CAPZB: variants seen among roughly 807,000 people sequenced by gnomAD.
CAPZB encodes the protein capping actin protein of muscle Z-line subunit beta, also known as F-actin-capping protein subunit beta.
In CAPZB, 2 loss-of-function variants were observed where a neutral mutation model predicts 38.1. The ratio of observed to expected loss-of-function variants is 0.05; its 90% CI spans 0.02 to 0.17. The LOEUF is 0.17. Ranked by LOEUF, CAPZB falls within the 10% of genes least tolerant of loss-of-function variation. The pLI is 1.00. For missense variants in CAPZB, 161 were observed against 334.2 expected (o/e 0.48, Z 4.04); for synonymous variants, 107 against 127.4 (o/e 0.84, Z 1.08).
intron 4 of CAPZB, among the ~76,000 whole-genome samples, chr1:19,367,824 A>G (rs917129237): frequency 2.0e-5 from 3 of 152,190 alleles, no homozygotes; most frequent in African/African-American, 7.2e-5. Flanking sequence ...TTAAAGAAAT[A>G]ATGAAGGCCT....
chr1:19,465,883 T>A (rs567316954), intron 1 of CAPZB, among the ~76,000 whole-genome samples: 1 of 152,142 alleles, frequency 6.6e-6, no homozygotes, highest in Non-Finnish European at 1.5e-5. Flanking sequence ...ACCAACAACA[T>A]GTACGGAGCC....
chr1:19,370,111 C>T (rs964003362), intron 4 of CAPZB, among the ~76,000 whole-genome samples: 1 of 152,234 alleles, frequency 6.6e-6, no homozygotes, highest in African/African-American at 2.4e-5. Context: ...CCAGAGCCCG[C>T]ACCCCACAGG....
At chr1:19,445,746 G>A (rs539650338) in intron 1 of CAPZB, among the ~76,000 whole-genome samples, 13 of 152,332 alleles carry the variant, frequency 8.5e-5, no homozygotes, top group African/African-American at 2.4e-4. Flanking sequence ...TGTTCTGGGG[G>A]TGATGGAAAT....
intron 3 of CAPZB, among the ~76,000 whole-genome samples, chr1:19,384,627 C>T (rs955912410): frequency 6.6e-6 from 1 of 152,198 alleles, no homozygotes; most frequent in African/African-American, 2.4e-5. Context: ...AGCCTTGCCC[C>T]ATCTCCAAAG....
At position 19,362,727 on chromosome 1, in the gene CAPZB, T is replaced by C. The variant is rs80086299; in HGVS notation, c.330-5164A>G. On this transcript the variant is annotated intron_variant, in intron 4 of 8. Transcript: ENST00000264202. ...GCTTTTCCTAGGCTTCTTTCCTAAA[T>C]GGAAAGCCAGACAGCACGGGCAGCA... Among the ~76,000 whole-genome samples, 769 of 151,500 alleles carry C rather than the reference T, an allele frequency of 5.1e-3. 18 individuals are homozygous for C. The highest frequency in any genetic ancestry group is 0.034 in the Admixed American group (516 of 15,252).
rs1325341219 is a variant in CAPZB at position 19,339,212 on chromosome 1, G to A, written c.*318C>T. Reference sequence around the variant, plus strand: ...ACCAAAAAGGTGGGAGGGAAGGGAGGCTGGCAGACAGTGGATTTTATGCCT... The same window carrying A: ...ACCAAAAAGGTGGGAGGGAAGGGAGACTGGCAGACAGTGGATTTTATGCCT... On this transcript the variant is annotated 3_prime_UTR_variant, in exon 9 of 9. Coordinates refer to ENST00000264202, the MANE Select transcript of CAPZB (RefSeq NM_004930.5). 2 of 360,614 alleles carry A rather than the reference G, an allele frequency of 5.5e-6. No homozygotes were observed. Among genetic ancestry groups the A allele is most frequent in the Non-Finnish European group, 5.1e-6 (1 of 197,200 alleles). 22.3% of individuals were successfully genotyped at this position (360,614 alleles called of 1,614,324 possible). A position where few individuals can be genotyped will look rare whatever the true frequency, so the allele number is the denominator to read the frequency against.
chr1:19,414,275 G>T (rs2094369842), intron 2 of CAPZB, among the ~76,000 whole-genome samples: 1 of 152,222 alleles, frequency 6.6e-6, no homozygotes, highest in Admixed American at 6.5e-5. Flanking sequence ...TACCGCTGAG[G>T]CTGGCAGTGT....
chr1:19,472,864 C>A (rs1289208783), intron 1 of CAPZB, among the ~76,000 whole-genome samples: 1 of 151,896 alleles, frequency 6.6e-6, no homozygotes, highest in Non-Finnish European at 1.5e-5. Context: ...ACTACAGGCG[C>A]CCGCCATCAC....
At chr1:19,387,815 G>A (rs1304448864) in intron 2 of CAPZB, among the ~76,000 whole-genome samples, 1 of 152,250 alleles carries the variant, frequency 6.6e-6, no homozygotes, top group African/African-American at 2.4e-5. Flanking sequence ...ATGTGATTTT[G>A]AGGACCCACA....
chr1:19,351,997 C>A (rs1396854499), intron 6 of CAPZB, among the ~76,000 whole-genome samples: 1 of 152,220 alleles, frequency 6.6e-6, no homozygotes, highest in East Asian at 1.9e-4. Flanking sequence ...TGAAGCTGCG[C>A]TGCTCAAGCA....
chr1:19,350,263 G>A (rs929853829), intron 6 of CAPZB, among the ~76,000 whole-genome samples: 12 of 152,414 alleles, frequency 7.9e-5, no homozygotes, highest in African/African-American at 2.6e-4. Flanking sequence ...GCTGCAGCCC[G>A]AGAGGAAAGG....
chr1:19,406,131 G>A (rs2094330732), intron 2 of CAPZB, among the ~76,000 whole-genome samples: 1 of 152,218 alleles, frequency 6.6e-6, no homozygotes, highest in Non-Finnish European at 1.5e-5. Context: ...AAGGGCAACC[G>A]CAAACCGTCT....
intron 1 of CAPZB, among the ~76,000 whole-genome samples, chr1:19,446,625 C>CA (rs5772845): frequency 0.55 from 83,422 of 151,550 alleles, 23,564 homozygotes; most frequent in South Asian, 0.76. Context: ...TGCTCCACGG[C>CA]AAAAAAAACT....
intron 2 of CAPZB, among the ~76,000 whole-genome samples, chr1:19,401,485 T>C (rs1013337683): frequency 2.0e-4 from 30 of 151,974 alleles, no homozygotes; most frequent in African/African-American, 7.2e-4. Flanking sequence ...CCTGACACTC[T>C]TGCTGGGAAT....
At chr1:19,382,126 A>T (rs1452521254) in intron 3 of CAPZB, among the ~76,000 whole-genome samples, 1 of 152,198 alleles carries the variant, frequency 6.6e-6, no homozygotes, top group African/African-American at 2.4e-5. Flanking sequence ...AGGCACCCTG[A>T]TTAGACACAA....
chr1:19,472,292 A>G (rs1337717783), intron 1 of CAPZB, among the ~76,000 whole-genome samples: 1 of 152,218 alleles, frequency 6.6e-6, no homozygotes, highest in East Asian at 1.9e-4. Context: ...GTTGCCATCT[A>G]CAGCCTAGAG....
intron 1 of CAPZB, among the ~76,000 whole-genome samples, chr1:19,475,675 T>C (rs1310767633): frequency 1.3e-5 from 2 of 152,202 alleles, no homozygotes; most frequent in Non-Finnish European, 2.9e-5. Flanking sequence ...GATCTGGACA[T>C]GGCTAGTCTC....
chr1:19,424,984 T>C (rs930762774), intron 1 of CAPZB, among the ~76,000 whole-genome samples: 2 of 152,076 alleles, frequency 1.3e-5, no homozygotes, highest in Non-Finnish European at 2.9e-5. Flanking sequence ...AACCACAAGG[T>C]CGTGTGGTGT....
At chr1:19,447,866 C>T (rs1228723851) in intron 1 of CAPZB, among the ~76,000 whole-genome samples, 1 of 152,226 alleles carries the variant, frequency 6.6e-6, no homozygotes, top group African/African-American at 2.4e-5. Context: ...CGGCAACTAA[C>T]AGTAGTGAAA....
Sources: gnomAD v4.1 joint callset for allele counts (sites outside exome capture counted in the v4.1 genomes callset) on GRCh38, gnomAD v4.1.1 for gene constraint, MANE v1.5 for transcripts, NCBI Gene and HGNC (gene_info 2026-07-23, HGNC 2026-07-21) for gene names.